Variants in LHFPL2 observed in about 807,000 individuals in gnomAD.
The protein encoded by LHFPL2 is LHFPL tetraspan subfamily member 2, also known as LHFPL tetraspan subfamily member 2 protein.
LHFPL2 carries 7 observed loss-of-function variants against 17.5 expected under a neutral mutation model. The ratio of observed to expected loss-of-function variants is 0.40; its 90% confidence interval spans 0.23 to 0.75. The LOEUF (loss-of-function observed/expected upper bound fraction) is 0.75. Among genes scored for constraint, LHFPL2 ranks in the 30% least tolerant of loss-of-function variants. The pLI is 0.37. For missense variants in LHFPL2, 241 were observed against 294.8 expected, an observed-to-expected ratio of 0.82 and a Z score of 1.34; for synonymous variants, 134 against 116.2, an observed-to-expected ratio of 1.15 and a Z score of -0.99.
intron 1 of LHFPL2, among the ~76,000 whole-genome samples, chr5:78,646,068 T>G (rs938871019): frequency 2.0e-5 from 3 of 152,196 alleles, no homozygotes; most frequent in African/African-American, 7.2e-5. Context: ...TTCACTTTGG[T>G]GGGACCTAAT....
chr5:78,619,418 C>T (rs1252125852), intron 2 of LHFPL2, among the ~76,000 whole-genome samples: 1 of 151,900 alleles, frequency 6.6e-6, no homozygotes, highest in Non-Finnish European at 1.5e-5. Flanking sequence ...AAATCTAATG[C>T]TTTCATCATC....
intron 2 of LHFPL2, among the ~76,000 whole-genome samples, chr5:78,616,268 T>C (rs1278033585): frequency 1.3e-5 from 2 of 152,042 alleles, no homozygotes; most frequent in African/African-American, 2.4e-5. Context: ...CTGGGACTAC[T>C]GGTGCCCGCC....
intron 1 of LHFPL2, among the ~76,000 whole-genome samples, chr5:78,647,982 C>T (rs1478666235): frequency 6.6e-6 from 1 of 152,160 alleles, no homozygotes. Flanking sequence ...AATCACTGAG[C>T]TGCCCACAAA....
At chr5:78,621,017 G>T (rs1427475714) in intron 2 of LHFPL2, among the ~76,000 whole-genome samples, 1 of 150,768 alleles carries the variant, frequency 6.6e-6, no homozygotes, top group Non-Finnish European at 1.5e-5. Context: ...ACCCAGGCTG[G>T]AGTGTAGTGG....
At chr5:78,492,715 T>C (rs1754485515) in intron 4 of LHFPL2, among the ~76,000 whole-genome samples, 1 of 152,256 alleles carries the variant, frequency 6.6e-6, no homozygotes, top group Admixed American at 6.5e-5. Flanking sequence ...AGTGCCATGC[T>C]TGTGAGCCTG....
chr5:78,529,046 G>A (rs561510791), intron 3 of LHFPL2, among the ~76,000 whole-genome samples: 1 of 152,150 alleles, frequency 6.6e-6, no homozygotes, highest in Non-Finnish European at 1.5e-5. Context: ...TTGAGAGGCT[G>A]AGACGGGAGG....
At chr5:78,538,971 G>A (rs1262109229) in intron 3 of LHFPL2, among the ~76,000 whole-genome samples, 1 of 152,168 alleles carries the variant, frequency 6.6e-6, no homozygotes, top group African/African-American at 2.4e-5. Context: ...GCTCTCCAAT[G>A]GCGACATAAT....
At chr5:78,604,969 T>C (rs189102931) in intron 2 of LHFPL2, among the ~76,000 whole-genome samples, 58 of 152,370 alleles carry the variant, frequency 3.8e-4, no homozygotes, top group African/African-American at 1.4e-3. Context: ...GGGCAATGTA[T>C]TTGCACAGTT....
chr5:78,634,666 C>T (rs1379337713), intron 1 of LHFPL2, among the ~76,000 whole-genome samples: 1 of 152,208 alleles, frequency 6.6e-6, no homozygotes, highest in African/African-American at 2.4e-5. Context: ...ATGGACTCAC[C>T]TGGAATAAGA....
intron 1 of LHFPL2, chr5:78,644,680 T>C (rs141229699): frequency 6.7e-6 from 2 of 300,702 alleles, no homozygotes; most frequent in Admixed American, 7.5e-5. Flanking sequence ...AAATCTCACT[T>C]TCTCTTTAGC....
intron 3 of LHFPL2, among the ~76,000 whole-genome samples, chr5:78,535,160 G>C (rs922292674): frequency 6.6e-6 from 1 of 152,176 alleles, no homozygotes; most frequent in Non-Finnish European, 1.5e-5. Flanking sequence ...CCCAAGCCAC[G>C]CCACAGGGTC....
At chr5:78,559,338 G>A (rs1384882660) in intron 3 of LHFPL2, among the ~76,000 whole-genome samples, 1 of 152,160 alleles carries the variant, frequency 6.6e-6, no homozygotes, top group Non-Finnish European at 1.5e-5. Context: ...GTGCTGGATA[G>A]TCTATAATGT....
intron 4 of LHFPL2, among the ~76,000 whole-genome samples, chr5:78,494,892 T>C (rs1754556398): frequency 6.6e-6 from 1 of 152,158 alleles, no homozygotes; most frequent in South Asian, 2.1e-4. Context: ...GTGTTCCCAA[T>C]GCAAACGTAG....
At chr5:78,588,464 T>C (rs1723740015) in intron 2 of LHFPL2, among the ~76,000 whole-genome samples, 1 of 152,240 alleles carries the variant, frequency 6.6e-6, no homozygotes, top group Non-Finnish European at 1.5e-5. Context: ...CACATATTGA[T>C]TTAGTAACCT....
chr5:78,630,693 T>C (rs746553448), intron 2 of LHFPL2, among the ~76,000 whole-genome samples: 2 of 152,196 alleles, frequency 1.3e-5, no homozygotes, highest in African/African-American at 2.4e-5. Flanking sequence ...TGGGAACCTC[T>C]ACTAGGTTGT....
At chr5:78,572,858 G>A (rs1256808507) in intron 2 of LHFPL2, among the ~76,000 whole-genome samples, 2 of 152,140 alleles carry the variant, frequency 1.3e-5, no homozygotes, top group Non-Finnish European at 2.9e-5. Context: ...ATGGTTTCGG[G>A]ATGAAACTGT....
At chr5:78,599,382 C>T (rs961646759) in intron 2 of LHFPL2, among the ~76,000 whole-genome samples, 1 of 152,102 alleles carries the variant, frequency 6.6e-6, no homozygotes, top group Non-Finnish European at 1.5e-5. Flanking sequence ...TCACTGCAAC[C>T]TCTGCCTTCC....
At chr5:78,543,378 T>TG (rs1189671757) in intron 3 of LHFPL2, among the ~76,000 whole-genome samples, 1 of 152,168 alleles carries the variant, frequency 6.6e-6, no homozygotes, top group Non-Finnish European at 1.5e-5. Flanking sequence ...GACAACGAAC[T>TG]TCAGGTATCA....
intron 1 of LHFPL2, among the ~76,000 whole-genome samples, chr5:78,643,605 G>C (rs905338670): frequency 3.9e-5 from 6 of 151,954 alleles, no homozygotes; most frequent in Non-Finnish European, 7.4e-5. Flanking sequence ...TGTTCAGTTA[G>C]CAGAACATTC....
Sources: gnomAD v4.1 joint callset for allele counts (sites outside exome capture counted in the v4.1 genomes callset) on GRCh38, gnomAD v4.1.1 for gene constraint, MANE v1.5 for transcripts, NCBI Gene and HGNC (gene_info 2026-07-23, HGNC 2026-07-21) for gene names.